CCNJL: variants seen among roughly 807,000 people sequenced by gnomAD.
The protein encoded by CCNJL is cyclin J like, also known as cyclin-J-like protein.
Under a neutral mutation model 33.4 loss-of-function variants are expected in CCNJL, and 33 were observed. The ratio of observed to expected loss-of-function variants is 0.99; its 90% CI spans 0.75 to 1.32. The LOEUF is 1.32. Ranked by LOEUF, CCNJL falls within the 40% of genes most tolerant of loss-of-function variation. The pLI is 0.00. For missense variants in CCNJL, 512 were observed against 499.7 expected (o/e 1.02, Z -0.23); for synonymous variants, 227 against 220.9 (o/e 1.03, Z -0.24).
intron 1 of CCNJL, among the ~76,000 whole-genome samples, chr5:160,332,911 T>G (rs1254016170): frequency 6.6e-6 from 1 of 152,116 alleles, no homozygotes; most frequent in Non-Finnish European, 1.5e-5. Context: ...ATCTTACACT[T>G]TTCTTCTCCA....
intron 2 of CCNJL, among the ~76,000 whole-genome samples, chr5:160,306,234 G>C (rs1016049938): frequency 7.3e-6 from 1 of 136,914 alleles, no homozygotes; most frequent in Non-Finnish European, 1.5e-5. Flanking sequence ...TCATGCCACT[G>C]CTCTCCAGCT....
intron 2 of CCNJL, among the ~76,000 whole-genome samples, chr5:160,299,244 G>C (rs570359949): frequency 4.6e-5 from 7 of 152,208 alleles, no homozygotes; most frequent in Non-Finnish European, 1.0e-4. Flanking sequence ...CTGTCTCCCG[G>C]GTTTAAGCGA....
At chr5:160,327,557 G>GCA (rs1371418415) in intron 1 of CCNJL, among the ~76,000 whole-genome samples, 3 of 152,264 alleles carry the variant, frequency 2.0e-5, no homozygotes, top group Non-Finnish European at 4.4e-5. Context: ...TCTCAGGCAA[G>GCA]CACAACCTGG....
intron 3 of CCNJL, among the ~76,000 whole-genome samples, chr5:160,263,738 A>T (rs1761447564): frequency 6.6e-6 from 1 of 152,198 alleles, no homozygotes; most frequent in Non-Finnish European, 1.5e-5. Flanking sequence ...ATTAATAAAT[A>T]ATCTGGGAGG....
At chr5:160,300,883 A>T (rs1464216517) in intron 2 of CCNJL, among the ~76,000 whole-genome samples, 4 of 152,046 alleles carry the variant, frequency 2.6e-5, no homozygotes, top group African/African-American at 9.7e-5. Flanking sequence ...AATGGTACTA[A>T]TTTTTTTTAA....
chr5:160,249,845 A>G lies in CCNJL; in HGVS notation c.*3533T>C, dbSNP rs1425827334. 1 of 151,926 alleles carries G rather than the reference A, an allele frequency of 6.6e-6. No homozygotes were observed. The highest frequency in any genetic ancestry group is 1.5e-5 in the Non-Finnish European group (1 of 68,008). 9.4% of individuals were successfully genotyped at this position (151,926 alleles called of 1,614,324 possible). On this transcript the variant is annotated 3_prime_UTR_variant, in exon 6 of 6. Transcript: ENST00000257536. ...AAAAATCAAACTAAACTGGGGAGTT[A>G]TAAAAATACAACTGAAATATAAAAA...
chr5:160,270,951 T>G (rs866698559), intron 3 of CCNJL, among the ~76,000 whole-genome samples: 57 of 152,264 alleles, frequency 3.7e-4, no homozygotes, highest in Non-Finnish European at 3.2e-4. Context: ...CATCAGACTT[T>G]CCTAGAAAAG....
chr5:160,320,854 T>C (rs866132744), intron 1 of CCNJL, among the ~76,000 whole-genome samples: 20 of 139,868 alleles, frequency 1.4e-4, no homozygotes, highest in Non-Finnish European at 2.0e-4. Flanking sequence ...TCTTTCCTTC[T>C]TTCTTTCTTT....
At chr5:160,289,653 T>C (rs1381669011) in intron 2 of CCNJL, among the ~76,000 whole-genome samples, 1 of 151,920 alleles carries the variant, frequency 6.6e-6, no homozygotes, top group African/African-American at 2.4e-5. Flanking sequence ...AGAGGGAAAG[T>C]GCCCCGGAAA....
At position 160,259,591 on chromosome 5, in the gene CCNJL, T is replaced by A. The variant is rs774266784; in HGVS notation, c.461A>T (p.Tyr154Phe). 3.5e-5 allele frequency: 57 copies of A among 1,613,730 alleles called. No homozygotes were observed. The highest frequency in any genetic ancestry group is 4.3e-5 in the Non-Finnish European group (51 of 1,179,946). ...CTTCTGGCTGACGGAGGCCAAGAGG[T>A]AGTAGTCCAGGAAGTGGGCAGGCGT... ...LPTPAHFLDY[Y>F]LLASVSQKDH... Residue 154 changes from tyrosine to phenylalanine, a missense_variant, in exon 4 of 6, where the codon TAC becomes TTC. Tyr to Phe is a conservative substitution (Grantham distance 22). Coordinates refer to ENST00000257536, the MANE Select transcript of CCNJL (RefSeq NM_001308173.3).
intron 2 of CCNJL, among the ~76,000 whole-genome samples, chr5:160,287,956 G>A (rs1244342322): frequency 2.0e-5 from 3 of 152,186 alleles, no homozygotes; most frequent in African/African-American, 7.2e-5. Context: ...TCCCTCCCCA[G>A]CTGTTGGCCC....
chr5:160,296,396 G>T (rs1292967789), intron 2 of CCNJL, among the ~76,000 whole-genome samples: 4 of 152,216 alleles, frequency 2.6e-5, no homozygotes, highest in African/African-American at 9.6e-5. Flanking sequence ...AAGTTACTTT[G>T]TTCCAACTAG....
At chr5:160,325,515 G>A (rs1216981591) in intron 1 of CCNJL, among the ~76,000 whole-genome samples, 2 of 152,138 alleles carry the variant, frequency 1.3e-5, no homozygotes, top group Non-Finnish European at 2.9e-5. Flanking sequence ...TTAAATCCCA[G>A]CTGAGCACCG....
At chr5:160,282,361 G>C (rs920079803) in intron 2 of CCNJL, among the ~76,000 whole-genome samples, 1 of 152,138 alleles carries the variant, frequency 6.6e-6, no homozygotes, top group South Asian at 2.1e-4. Flanking sequence ...AAAACTCTTA[G>C]AAGAAAACAG....
At chr5:160,328,431 G>A (rs969563425) in intron 1 of CCNJL, among the ~76,000 whole-genome samples, 1 of 152,092 alleles carries the variant, frequency 6.6e-6, no homozygotes, top group African/African-American at 2.4e-5. Flanking sequence ...CGCGGATGAA[G>A]AGAAATAGAT....
At chr5:160,339,359 C>CA (rs752641997) in intron 1 of CCNJL, 13,643 of 214,728 alleles carry the variant, frequency 0.064, 47 homozygotes, top group South Asian at 0.088. Flanking sequence ...ACATGCAAAA[C>CA]AAAAAAAAAA....
rs1261242487 is a variant in CCNJL, at chr5:160,251,049, G to A, written c.*2329C>T. The A allele has an allele frequency of 1.3e-5, 2 of 152,160 alleles. No homozygotes were observed. Among genetic ancestry groups the A allele is most frequent in the Non-Finnish European group, 2.9e-5 (2 of 68,036 alleles). The allele number at this position is 152,160 out of a possible 1,614,324, so 9.4% of individuals were successfully genotyped here. On this transcript the variant is annotated 3_prime_UTR_variant, in exon 6 of 6. Coordinates refer to ENST00000257536, the MANE Select transcript of CCNJL (RefSeq NM_001308173.3). ...TTGGCTAGGCTACAGTGCCTGTTGTGTGGCTAGGTACTAGTCTAGATGTTG... is the reference window on the plus strand; with the variant it reads ...TTGGCTAGGCTACAGTGCCTGTTGTATGGCTAGGTACTAGTCTAGATGTTG...
At position 160,288,094 on chromosome 5, in the gene CCNJL, T is replaced by C. The variant is rs116766193; in HGVS notation, c.67-7356A>G. ...ATCCACCTTACAAAAACCCCTGCTT[T>C]TGTCATCACAGTCCTTTATTATTAT... On this transcript the variant is annotated intron_variant, in intron 2 of 5. Transcript: ENST00000257536. 6.2e-3 allele frequency among the ~76,000 whole-genome samples: 944 copies of C among 152,300 alleles called. 2 individuals are homozygous for C. The highest frequency in any genetic ancestry group is 0.027 in the Middle Eastern group (8 of 294).
At chr5:160,293,340 T>C (rs965709933) in intron 2 of CCNJL, among the ~76,000 whole-genome samples, 7 of 152,172 alleles carry the variant, frequency 4.6e-5, no homozygotes, top group East Asian at 1.9e-4. Flanking sequence ...AATAAGAGAA[T>C]TGCTTGAACC....
Sources: allele counts gnomAD v4.1 joint callset (sites outside exome capture counted in the v4.1 genomes callset), GRCh38; gene constraint gnomAD v4.1.1; transcripts MANE v1.5; gene names NCBI Gene and HGNC (gene_info 2026-07-23, HGNC 2026-07-21).